CFAP44: variants seen among roughly 807,000 people sequenced by gnomAD.
CFAP44 encodes cilia and flagella associated protein 44.
A neutral mutation model predicts 216.2 loss-of-function variants in CFAP44; 134 were observed. That is an observed-to-expected ratio of 0.62 (90% CI 0.54 to 0.72). The LOEUF (loss-of-function observed/expected upper bound fraction) is 0.72, where lower values mean the gene tolerates loss of function less well. Ranked by LOEUF, CFAP44 falls within the 30% of genes least tolerant of loss-of-function variation. CFAP44 has a pLI of 0.00. For synonymous variants in CFAP44, 700 were observed against 727.6 expected, an observed-to-expected ratio of 0.96 and a Z score of 0.61; for missense variants, 2,035 against 2,182.1, an observed-to-expected ratio of 0.93 and a Z score of 1.34.
intron 23 of CFAP44, among the ~76,000 whole-genome samples, chr3:113,342,171 A>G (rs769325567): frequency 1.3e-5 from 2 of 152,110 alleles, no homozygotes; most frequent in Non-Finnish European, 2.9e-5. Flanking sequence ...CATCTCTACT[A>G]AAAATACAAA....
At chr3:113,434,356 G>A (rs1360301464) in intron 1 of CFAP44, 1 of 152,118 alleles carries the variant, frequency 6.6e-6, no homozygotes, top group Non-Finnish European at 1.5e-5. Context: ...ACATCAAAGA[G>A]GGCTGCATCT....
intron 28 of CFAP44, among the ~76,000 whole-genome samples, chr3:113,315,844 A>T (rs1421688780): frequency 6.6e-6 from 1 of 152,004 alleles, no homozygotes; most frequent in Admixed American, 6.5e-5. Context: ...CCAGGCTAAC[A>T]TAAGTGTTCT....
intron 1 of CFAP44, 70 bp from the exon 2 acceptor site, chr3:113,433,739 C>T: frequency 8.3e-7 from 1 of 1,201,180 alleles, no homozygotes; most frequent in East Asian, 2.3e-5. Flanking sequence ...TTCCCCCTAA[C>T]ATATTTCATT....
At chr3:113,328,228 T>C (rs1367264480) in intron 26 of CFAP44, among the ~76,000 whole-genome samples, 1 of 150,984 alleles carries the variant, frequency 6.6e-6, no homozygotes, top group African/African-American at 2.4e-5. Flanking sequence ...ATGTTGAAAA[T>C]TTTCAAAACC....
chr3:113,297,989 G>T (rs1016656846), intron 32 of CFAP44, among the ~76,000 whole-genome samples: 1 of 152,202 alleles, frequency 6.6e-6, no homozygotes, highest in African/African-American at 2.4e-5. Context: ...AATGCCCCAC[G>T]GACATGTATA....
At chr3:113,423,910 A>G (rs1218903907) in intron 4 of CFAP44, among the ~76,000 whole-genome samples, 1 of 152,216 alleles carries the variant, frequency 6.6e-6, no homozygotes, top group Non-Finnish European at 1.5e-5. Context: ...GTACAGAAAT[A>G]GCCGAATTGG....
At chr3:113,373,229 A>G (rs1350851505) in intron 18 of CFAP44, among the ~76,000 whole-genome samples, 182 bp downstream of exon 18, 3 of 152,246 alleles carry the variant, frequency 2.0e-5, no homozygotes, top group Admixed American at 6.5e-5. Context: ...TGGTGGGGGT[A>G]TTTAAATATA....
chr3:113,403,789 C>T (rs980827964), intron 9 of CFAP44, 63 bp downstream of exon 9: 12 of 1,524,630 alleles, frequency 7.9e-6, no homozygotes, highest in Admixed American at 1.9e-5. Flanking sequence ...AGAAATAAAA[C>T]CCTTTGGGTG....
Position 113,327,938 on chromosome 3 carries a change from T to TTG in CFAP44, c.4117-121_4117-120dup, listed in dbSNP as rs1057322225. 2.7e-5 allele frequency: 23 copies of TTG among 855,078 alleles called. No individual in the cohort carries two copies. In the South Asian group the frequency reaches 2.7e-4, roughly 10 times the overall value. 53.0% of individuals were successfully genotyped at this position (855,078 alleles called of 1,614,324 possible). A position where few individuals can be genotyped will look rare whatever the true frequency, so the allele number is the denominator to read the frequency against. ...TTATTATGCCCTTATGGATGGAGAA[T>TTG]TGTGTGTGTGTGTATAGTCACAAAA... On this transcript the variant is annotated intron_variant, in intron 26 of 34. Coordinates refer to ENST00000393845, the MANE Select transcript of CFAP44 (RefSeq NM_001164496.2).
At chr3:113,352,889 A>T (rs1388571197) in intron 22 of CFAP44, among the ~76,000 whole-genome samples, 1 of 152,146 alleles carries the variant, frequency 6.6e-6, no homozygotes, top group Admixed American at 6.5e-5. Flanking sequence ...ATTTGGTACA[A>T]CTTTATCCTC....
At chr3:113,306,048 C>T (rs1359256677) in intron 30 of CFAP44, among the ~76,000 whole-genome samples, 153 bp downstream of exon 30, 2 of 152,038 alleles carry the variant, frequency 1.3e-5, no homozygotes, top group East Asian at 1.9e-4. Flanking sequence ...ATGTCCCCCA[C>T]CACAATTTAG....
intron 16 of CFAP44, among the ~76,000 whole-genome samples, 172 bp downstream of exon 16, chr3:113,380,727 T>C (rs1313639620): frequency 6.6e-6 from 1 of 152,188 alleles, no homozygotes; most frequent in Non-Finnish European, 1.5e-5. Flanking sequence ...TTGATTTCAG[T>C]ATCTATTTAC....
At chr3:113,376,553 A>G (rs1223918215) in intron 17 of CFAP44, among the ~76,000 whole-genome samples, 1 of 152,202 alleles carries the variant, frequency 6.6e-6, no homozygotes, top group Non-Finnish European at 1.5e-5. Flanking sequence ...AGAAGAGTGT[A>G]ATGTCTTAGA....
intron 19 of CFAP44, 84 bp downstream of exon 19, chr3:113,365,955 A>T (rs1950582928): frequency 6.9e-7 from 1 of 1,442,452 alleles, no homozygotes. Flanking sequence ...AATAACTTTT[A>T]ATTTATAACG....
At chr3:113,347,214 C>T (rs546079876) in intron 22 of CFAP44, among the ~76,000 whole-genome samples, 26 of 152,292 alleles carry the variant, frequency 1.7e-4, no homozygotes, top group African/African-American at 5.8e-4. Context: ...TAACAACCCC[C>T]GACTCTGGAG....
intron 7 of CFAP44, among the ~76,000 whole-genome samples, chr3:113,408,004 T>A (rs1416045595): frequency 6.6e-6 from 1 of 152,146 alleles, no homozygotes; most frequent in Non-Finnish European, 1.5e-5. Context: ...TATAAGAAAT[T>A]GGAAAATTTT....
chr3:113,347,069 T>G (rs1403001079), intron 22 of CFAP44, among the ~76,000 whole-genome samples: 2 of 152,134 alleles, frequency 1.3e-5, no homozygotes, highest in African/African-American at 2.4e-5. Flanking sequence ...TCAGACCCCT[T>G]TAGCTTGCTC....
In CFAP44 at chr3:113,291,503, A is replaced by G; in HGVS notation, c.*54T>C. 1 of 1,511,878 alleles carries G rather than the reference A, an allele frequency of 6.6e-7. No individual in the cohort carries two copies. The highest frequency in any genetic ancestry group is 8.9e-7 in the Non-Finnish European group (1 of 1,129,840). 93.7% of individuals were successfully genotyped at this position (1,511,878 alleles called of 1,614,324 possible). A position where few individuals can be genotyped will look rare whatever the true frequency, so the allele number is the denominator to read the frequency against. On this transcript the variant is annotated 3_prime_UTR_variant, in exon 35 of 35. Transcript: ENST00000393845. Reference sequence around the variant, plus strand: ...ATTGTTGGAGGTGATGAGGAGACAGAACTTCCAGTGAGTTATGTCAGAAAT... The same window carrying G: ...ATTGTTGGAGGTGATGAGGAGACAGGACTTCCAGTGAGTTATGTCAGAAAT...
intron 6 of CFAP44, among the ~76,000 whole-genome samples, chr3:113,411,272 G>T (rs1349637040): frequency 6.6e-6 from 1 of 152,120 alleles, no homozygotes; most frequent in Non-Finnish European, 1.5e-5. Flanking sequence ...GGTTTTTATG[G>T]TTTTAGGTCT....
Sources: allele counts gnomAD v4.1 joint callset (sites outside exome capture counted in the v4.1 genomes callset), GRCh38; gene constraint gnomAD v4.1.1; transcripts MANE v1.5; gene names NCBI Gene and HGNC (gene_info 2026-07-23, HGNC 2026-07-21).